Variants in LCT observed in about 807,000 individuals in gnomAD.
LCT encodes lactase.
In LCT, 90 loss-of-function variants were observed where a neutral mutation model predicts 173.0. The ratio of observed to expected loss-of-function variants is 0.52; its 90% CI spans 0.44 to 0.62. The LOEUF (loss-of-function observed/expected upper bound fraction) is 0.62. Ranked by LOEUF, LCT falls within the 20% of genes least tolerant of loss-of-function variation. The pLI, the probability that LCT is intolerant of heterozygous loss-of-function variation, is 0.00. For synonymous variants in LCT, 853 were observed against 957.6 expected (o/e 0.89, Z 2.02); for missense variants, 1,864 against 2,431.4 (o/e 0.77, Z 4.91).
At chr2:135,797,631 C>G (rs910241732) in intron 13 of LCT, among the ~76,000 whole-genome samples, 1 of 152,146 alleles carries the variant, frequency 6.6e-6, no homozygotes, top group Non-Finnish European at 1.5e-5. Flanking sequence ...AAGGGGCGGG[C>G]GGGTAAGGAA....
chr2:135,824,641 G>A (rs1263585158), intron 3 of LCT, among the ~76,000 whole-genome samples: 3 of 152,206 alleles, frequency 2.0e-5, no homozygotes, highest in Non-Finnish European at 2.9e-5. Context: ...TCTTGCAGCT[G>A]GAGATGGCTT....
rs150491079 is a variant in LCT at position 135,831,371 on chromosome 2, G to A, written c.721-1695C>T. ...AGCACTCACATGGACAAAATAGGAGGTGAGGCCAGAGAGAGACAGAGAGAG... is the reference window on the plus strand; with the variant it reads ...AGCACTCACATGGACAAAATAGGAGATGAGGCCAGAGAGAGACAGAGAGAG... On this transcript the variant is annotated intron_variant, in intron 2 of 16. Transcript: ENST00000264162. Among the ~76,000 whole-genome samples the A allele has an allele frequency of 4.3e-4, 62 of 145,784 alleles. No homozygotes were observed. In the East Asian group the frequency reaches 0.011, roughly 26 times the overall value.
chr2:135,829,460 C>T (rs1349918271), intron 3 of LCT, 133 bp downstream of exon 3: 2 of 757,930 alleles, frequency 2.6e-6, no homozygotes, highest in African/African-American at 3.4e-5. Context: ...GGAAATCTCC[C>T]CAGACACAAC....
In LCT at chr2:135,788,178, C is replaced by T. The variant is rs2105515218; in HGVS notation, c.*146G>A. The T allele has an allele frequency of 1.4e-6, 1 of 705,006 alleles. No homozygotes were observed. The highest frequency in any genetic ancestry group is 2.5e-5 in the East Asian group (1 of 40,552). 43.7% of individuals were successfully genotyped at this position (705,006 alleles called of 1,614,324 possible). A position where few individuals can be genotyped will look rare whatever the true frequency, so the allele number is the denominator to read the frequency against. On this transcript the variant is annotated 3_prime_UTR_variant, in exon 17 of 17. Coordinates refer to ENST00000264162, the MANE Select transcript of LCT (RefSeq NM_002299.4). ...TTTTACTCAGCAAGTCGAAATCATTCAAGATTAAAGTCATCTCTAACGGTG... is the reference window on the plus strand; with the variant it reads ...TTTTACTCAGCAAGTCGAAATCATTTAAGATTAAAGTCATCTCTAACGGTG...
rs1679409453 is a variant in LCT at position 135,836,818 on chromosome 2, T to C, written c.352A>G (p.Lys118Glu). Residue 118 changes from lysine (K) to glutamate (E), a missense_variant, in exon 1 of 17, where the codon AAG becomes GAG. This residue lies in a region of LCT where 412 missense variants were observed against 462.0 expected (regional missense o/e 0.89). Transcript: ENST00000264162. ...TGAAGCCGTGCAGTCTTGAGGGCCTTGAGGAGTCGCCGGTAGCACTGCACT... is the reference window on the plus strand; with the variant it reads ...TGAAGCCGTGCAGTCTTGAGGGCCTCGAGGAGTCGCCGGTAGCACTGCACT... ...KTVQCYRRLL[K>E]ALKTARLQPM... is the part of the protein sequence containing the mutation. 1 of 1,614,134 alleles carries C rather than the reference T, an allele frequency of 6.2e-7. No homozygotes were observed. The highest frequency in any genetic ancestry group is 8.5e-7 in the Non-Finnish European group (1 of 1,180,016).
In LCT at chr2:135,813,047, T is replaced by C. The variant is rs1167185887; in HGVS notation, c.1708-91A>G. ...TGAACCAATAACAAGTCAACAACAA[T>C]GTCAACAAGTCAATAAAGACAACAA... On this transcript the variant is annotated intron_variant, in intron 6 of 16. Transcript: ENST00000264162. The C allele has an allele frequency of 2.0e-5, 22 of 1,120,502 alleles. No individual in the cohort carries two copies. In the East Asian group the frequency reaches 5.3e-4, roughly 27 times the overall value. 69.4% of individuals were successfully genotyped at this position (1,120,502 alleles called of 1,614,324 possible).
chr2:135,791,393 C>T (rs1383163293), intron 14 of LCT, among the ~76,000 whole-genome samples: 1 of 152,234 alleles, frequency 6.6e-6, no homozygotes, highest in African/African-American at 2.4e-5. Flanking sequence ...GCACCTCCTT[C>T]AAGTGTCCAA....
Position 135,790,691 on chromosome 2 carries a change from A to G in LCT, c.5302T>C (p.Tyr1768His), listed in dbSNP as rs201748922. The G allele has an allele frequency of 6.2e-6, 10 of 1,612,982 alleles. No individual in the cohort carries two copies. Among genetic ancestry groups the G allele is most frequent in the Non-Finnish European group, 8.5e-6 (10 of 1,179,702 alleles). Reference protein sequence around the residue: ...TDLNDTARIYYLRTYINEALK... With the variant: ...TDLNDTARIYHLRTYINEALK... Reference sequence around the variant, plus strand: ...GCCTCATTGATGTAAGTCCGAAGGTAGTAGATCCTTGCAGTGTCATTGAGG... The same window carrying G: ...GCCTCATTGATGTAAGTCCGAAGGTGGTAGATCCTTGCAGTGTCATTGAGG... The change falls in exon 15 of 17, where the codon TAC becomes CAC. Residue 1768 changes from tyrosine (Y) to histidine (H), a missense_variant. Around this residue, in one of 4 missense-constraint regions of LCT, gnomAD observed 514 missense variants for 750.1 expected, o/e 0.69. Coordinates refer to ENST00000264162, the MANE Select transcript of LCT (RefSeq NM_002299.4). This position sits in a 1 kb window ranked among gnomAD's most constrained non-coding sequence, Gnocchi z 4.1.
rs767251873 is a variant in LCT at position 135,804,729 on chromosome 2, T to C, written c.4464+38A>G. The C allele has an allele frequency of 2.5e-6, 4 of 1,598,372 alleles. No homozygotes were observed. In the South Asian group the frequency reaches 3.3e-5, roughly 13 times the overall value. On this transcript the variant is annotated intron_variant, in intron 10 of 16. Transcript: ENST00000264162. ...TCCCCCAGCCCTGCTGGTTCCTGCA[T>C]GTGGACTTTCCCAAGGCCTTGCCAG...
chr2:135,811,674 C>A (rs2077735066), intron 7 of LCT, among the ~76,000 whole-genome samples: 1 of 142,450 alleles, frequency 7.0e-6, no homozygotes, highest in Non-Finnish European at 1.5e-5. Flanking sequence ...CTATTCCAGT[C>A]TATGTGACAA....
Position 135,808,827 on chromosome 2 carries a change from TC to T in LCT, c.3519del (p.Asn1174ThrfsTer8). On this transcript the variant is annotated frameshift_variant, in exon 8 of 17. Transcript: ENST00000264162. LOFTEE classifies it high-confidence loss of function. ...GCTAAGTGCTGCAGTTCACTCCTGT[TC>T]CCCACTTTCCACTTCATGGTGTCAG... Reference protein sequence around the residue: ...DYPDTMKWKVGNRSELQHLAT... With the variant: ...DYPDTMKWKVXNRSELQHLAT... 1 of 1,614,114 alleles carries T rather than the reference TC, an allele frequency of 6.2e-7. No individual in the cohort carries two copies. Among genetic ancestry groups the T allele is most frequent in the Non-Finnish European group, 8.5e-7 (1 of 1,179,990 alleles).
chr2:135,800,778 G>A lies in LCT; in HGVS notation c.4695C>T (p.Tyr1565=), dbSNP rs886054862. The A allele has an allele frequency of 2.5e-6, 4 of 1,614,074 alleles. No homozygotes were observed. Among genetic ancestry groups the A allele is most frequent in the African/African-American group, 1.3e-5 (1 of 75,056 alleles). ...CCTTTATTAGATTGTGGCCAACAATGTAGGGGGCAGTGCCAGGCCTATTGG... is the reference window on the plus strand; with the variant it reads ...CCTTTATTAGATTGTGGCCAACAATATAGGGGGCAGTGCCAGGCCTATTGG... ...GVSNRPGTAP[Y]IVGHNLIKAH... The change falls in exon 12 of 17, where the codon TAC becomes TAT. Residue 1565 remains tyrosine, a synonymous_variant. Transcript: ENST00000264162.
Position 135,836,797 on chromosome 2 carries a change from G to T in LCT, c.373C>A (p.Leu125Ile). Residue 125 changes from leucine (L) to isoleucine (I), a missense_variant, in exon 1 of 17, where the codon CTT becomes ATT. Leu to Ile is a conservative substitution (Grantham distance 5). This residue lies in a region of LCT where 412 missense variants were observed against 462.0 expected (regional missense o/e 0.89). Transcript: ENST00000264162. Reference protein sequence around the residue: ...RLLKALKTARLQPMVILHHQT... With the variant: ...RLLKALKTARIQPMVILHHQT... ...TGGTGCAGGATGACCATGGGCTGAA[G>T]CCGTGCAGTCTTGAGGGCCTTGAGG... 6.2e-7 allele frequency: 1 copy of T among 1,614,218 alleles called. No homozygotes were observed.
chr2:135,790,676 T>C lies in LCT; in HGVS notation c.5317A>G (p.Ile1773Val). 1.2e-6 allele frequency: 2 copies of C among 1,611,452 alleles called. No homozygotes were observed. The highest frequency in any genetic ancestry group is 1.7e-6 in the Non-Finnish European group (2 of 1,178,626). The part of the protein sequence containing the change: ...TARIYYLRTY[I>V]NEALKAVQDK... ...GTCGTACCTTTGAGGGCCTCATTGATGTAAGTCCGAAGGTAGTAGATCCTT... is the reference window on the plus strand; with the variant it reads ...GTCGTACCTTTGAGGGCCTCATTGACGTAAGTCCGAAGGTAGTAGATCCTT... The change falls in exon 15 of 17, where the codon ATC becomes GTC. Residue 1773 changes from isoleucine to valine, a missense_variant. Physicochemically the swap from Ile to Val is conservative, Grantham distance 29. Coordinates refer to ENST00000264162, the MANE Select transcript of LCT (RefSeq NM_002299.4). The surrounding 1 kb of genome is among the most constrained non-coding windows in gnomAD (Gnocchi z 4.1).
chr2:135,831,442 A>G (rs2077937685), intron 2 of LCT, among the ~76,000 whole-genome samples: 1 of 152,036 alleles, frequency 6.6e-6, no homozygotes, highest in Non-Finnish European at 1.5e-5. Context: ...GATTCGTCCC[A>G]CTCGGAAGTG....
At chr2:135,807,815 A>G (rs908290223) in intron 8 of LCT, among the ~76,000 whole-genome samples, 1 of 152,076 alleles carries the variant, frequency 6.6e-6, no homozygotes, top group Non-Finnish European at 1.5e-5. Flanking sequence ...TCAAAAAAAA[A>G]AAAATCAATG....
chr2:135,829,748 C>CT, intron 2 of LCT, 72 bp from the exon 3 acceptor site: 4 of 1,051,150 alleles, frequency 3.8e-6, no homozygotes, highest in South Asian at 3.8e-5. Context: ...CAGAAGTACG[C>CT]TTTTTTGTTT....
intron 2 of LCT, among the ~76,000 whole-genome samples, chr2:135,831,355 A>G (rs1227411031): frequency 2.0e-5 from 3 of 151,494 alleles, no homozygotes; most frequent in African/African-American, 7.3e-5. Flanking sequence ...TAGCACTCAC[A>G]TGGACAAAAT....
rs1491376150 is a variant in LCT at position 135,795,612 on chromosome 2, A to ATAATT, written c.4977-838_4977-837insAATTA. On this transcript the variant is annotated intron_variant, in intron 13 of 16. Transcript: ENST00000264162. ...GCCTCTTTTCTCCAACTCTAATAAT[A>ATAATT]ATAATAATAATAATAATAATAATAA... Among the ~76,000 whole-genome samples the ATAATT allele has an allele frequency of 2.9e-5, 4 of 135,908 alleles. No homozygotes were observed. In the South Asian group the frequency reaches 7.9e-4, roughly 27 times the overall value. The allele number at this position is 135,908 out of a possible 152,430, so 89.2% of individuals were successfully genotyped here.
Sources: gnomAD v4.1 joint callset for allele counts (sites outside exome capture counted in the v4.1 genomes callset) on GRCh38, gnomAD v4.1.1 for gene constraint, gnomAD v4.1.1 regional missense constraint, Gnocchi (gnomAD v3.1) non-coding constraint, MANE v1.5 for transcripts, NCBI Gene and HGNC (gene_info 2026-07-23, HGNC 2026-07-21) for gene names.